PTPRT: variants seen among roughly 807,000 people sequenced by gnomAD.
The protein encoded by PTPRT is protein tyrosine phosphatase receptor type T.
Under a neutral mutation model 176.8 loss-of-function variants are expected in PTPRT, and 56 were observed. The observed-to-expected ratio is 0.32, with a 90% CI of 0.26 to 0.40. The LOEUF (loss-of-function observed/expected upper bound fraction) is 0.40. Among genes scored for constraint, PTPRT ranks in the 10% least tolerant of loss-of-function variants. The probability of loss-of-function intolerance (pLI) is 1.00; values close to 1 mark genes in which losing one functional copy is unlikely to be tolerated. For missense variants in PTPRT, 1,540 were observed against 1,908.2 expected (o/e 0.81, Z 3.60); for synonymous variants, 783 against 739.0 (o/e 1.06, Z -0.96).
At chr20:42,704,520 C>A (rs568550516) in intron 6 of PTPRT, among the ~76,000 whole-genome samples, 1 of 152,232 alleles carries the variant, frequency 6.6e-6, no homozygotes, top group South Asian at 2.1e-4. Flanking sequence ...CCATGTCATG[C>A]ATGCCATCTT....
chr20:42,438,056 G>T (rs2059278449), intron 9 of PTPRT, among the ~76,000 whole-genome samples: 1 of 152,192 alleles, frequency 6.6e-6, no homozygotes, highest in Admixed American at 6.5e-5. Context: ...ACAGCAGCCA[G>T]GGAGAAAGTT....
At chr20:42,840,073 C>T (rs6130234) in intron 2 of PTPRT, among the ~76,000 whole-genome samples, 1 of 152,134 alleles carries the variant, frequency 6.6e-6, no homozygotes, top group African/African-American at 2.4e-5. Flanking sequence ...GGCCAGAAAC[C>T]TGAAAGCATG....
At chr20:42,282,569 T>C in intron 12 of PTPRT, 44 bp from the exon 13 acceptor site, 2 of 1,520,932 alleles carry the variant, frequency 1.3e-6, no homozygotes, top group Non-Finnish European at 1.8e-6. Flanking sequence ...AGCTGTGAGT[T>C]ATATAAAATT....
At chr20:42,745,138 G>T (rs1487700151) in intron 6 of PTPRT, among the ~76,000 whole-genome samples, 1 of 152,208 alleles carries the variant, frequency 6.6e-6, no homozygotes, top group Admixed American at 6.5e-5. Context: ...ACTAGTCAGA[G>T]TAAACCAGAA....
At chr20:42,260,321 A>G (rs781622953) in intron 13 of PTPRT, among the ~76,000 whole-genome samples, 1 of 152,152 alleles carries the variant, frequency 6.6e-6, no homozygotes, top group Admixed American at 6.5e-5. Context: ...GAGTCATCTC[A>G]GTGCTGACAG....
At chr20:42,645,460 G>C (rs569083463) in intron 7 of PTPRT, among the ~76,000 whole-genome samples, 1 of 152,220 alleles carries the variant, frequency 6.6e-6, no homozygotes, top group South Asian at 2.1e-4. Context: ...CCCTTCATTG[G>C]TCTTTATTCC....
At chr20:43,130,439 C>G (rs1166617232) in intron 1 of PTPRT, among the ~76,000 whole-genome samples, 2 of 152,008 alleles carry the variant, frequency 1.3e-5, no homozygotes, top group Non-Finnish European at 2.9e-5. Context: ...GTTTAAAGGC[C>G]AAACCCATGA....
At chr20:42,810,842 C>G (rs2077687690) in intron 2 of PTPRT, among the ~76,000 whole-genome samples, 1 of 152,214 alleles carries the variant, frequency 6.6e-6, no homozygotes, top group Non-Finnish European at 1.5e-5. Context: ...CTCCCCTTTG[C>G]CCGTCCAACC....
chr20:42,855,578 T>C (rs1447751257), intron 2 of PTPRT, among the ~76,000 whole-genome samples: 2 of 144,850 alleles, frequency 1.4e-5, no homozygotes, highest in Non-Finnish European at 1.5e-5. Context: ...ATCACAGGAG[T>C]GCGCCACCAC....
chr20:42,111,093 A>G (rs1986966432), intron 22 of PTPRT, among the ~76,000 whole-genome samples: 2 of 152,214 alleles, frequency 1.3e-5, no homozygotes, highest in African/African-American at 4.8e-5. Flanking sequence ...AGTGGGGCCT[A>G]GAGCTCTGAG....
intron 2 of PTPRT, among the ~76,000 whole-genome samples, chr20:42,860,010 ATATT>A (rs1381343765): frequency 6.6e-6 from 1 of 152,114 alleles, no homozygotes; most frequent in Non-Finnish European, 1.5e-5. Flanking sequence ...CCAAAATTAA[ATATT>A]TATTTATTCT....
intron 16 of PTPRT, among the ~76,000 whole-genome samples, chr20:42,193,406 T>C (rs1000927496): frequency 6.6e-6 from 1 of 152,202 alleles, no homozygotes; most frequent in Admixed American, 6.5e-5. Context: ...GAAGTGAAGT[T>C]CTCCCTTTCT....
At chr20:42,912,961 CA>C (rs1978494602) in intron 1 of PTPRT, among the ~76,000 whole-genome samples, 1 of 152,284 alleles carries the variant, frequency 6.6e-6, no homozygotes, top group African/African-American at 2.4e-5. Context: ...GCTCAGGAAA[CA>C]GACAACCTGA....
intron 1 of PTPRT, among the ~76,000 whole-genome samples, chr20:42,997,182 T>C (rs1327248523): frequency 1.3e-5 from 2 of 152,096 alleles, no homozygotes; most frequent in Non-Finnish European, 2.9e-5. Context: ...CCACCCCCAT[T>C]TGCTTCTACA....
At chr20:43,129,103 T>G (rs530150105) in intron 1 of PTPRT, among the ~76,000 whole-genome samples, 1 of 152,326 alleles carries the variant, frequency 6.6e-6, no homozygotes, top group East Asian at 1.9e-4. Flanking sequence ...CCTCACCAGG[T>G]CATTCATAAA....
chr20:42,668,209 C>G (rs767655065), intron 7 of PTPRT, among the ~76,000 whole-genome samples: 19 of 152,144 alleles, frequency 1.2e-4, no homozygotes, highest in Admixed American at 8.5e-4. Context: ...CACTATTGCA[C>G]TTCATCTTCT....
At chr20:42,387,774 T>G (rs2145656943) in intron 9 of PTPRT, among the ~76,000 whole-genome samples, 1 of 151,794 alleles carries the variant, frequency 6.6e-6, no homozygotes, top group Non-Finnish European at 1.5e-5. Context: ...AAAGTTAGAG[T>G]TCAGGGATGC....
At chr20:42,061,734 T>C in the PTPRT span, among the ~76,000 whole-genome samples, 1 of 152,228 alleles carries the variant, frequency 6.6e-6, no homozygotes, top group African/African-American at 2.4e-5. Flanking sequence ...TCGAGTTTCC[T>C]TGGATGAACC....
chr20:42,954,677 G>A (rs1415548946), intron 1 of PTPRT, among the ~76,000 whole-genome samples: 3 of 152,124 alleles, frequency 2.0e-5, no homozygotes, highest in Admixed American at 6.6e-5. Flanking sequence ...GGAAGAAAGG[G>A]AAGCAAAAGA....
Sources: allele counts gnomAD v4.1 joint callset (sites outside exome capture counted in the v4.1 genomes callset), GRCh38; gene constraint gnomAD v4.1.1; transcripts MANE v1.5; gene names NCBI Gene and HGNC (gene_info 2026-07-23, HGNC 2026-07-21).